NME5: variants seen among roughly 807,000 people sequenced by gnomAD.
The protein encoded by NME5 is nucleoside diphosphate kinase 5.
In NME5, 18 loss-of-function variants were observed where a neutral mutation model predicts 21.6. The ratio of observed to expected loss-of-function variants is 0.83; its 90% CI spans 0.58 to 1.24. NME5 has a LOEUF of 1.24. Among genes scored for constraint, NME5 ranks in the 50% most tolerant of loss-of-function variants. The pLI, the probability that NME5 is intolerant of heterozygous loss-of-function variation, is 0.00. For synonymous variants in NME5, 70 were observed against 80.6 expected, an observed-to-expected ratio of 0.87 and a Z score of 0.71; for missense variants, 223 against 255.4, an observed-to-expected ratio of 0.87 and a Z score of 0.86.
chr5:138,115,537 G>GT lies in NME5; in HGVS notation c.*143dup. On this transcript the variant is annotated 3_prime_UTR_variant, in exon 6 of 6. Coordinates refer to ENST00000265191, the MANE Select transcript of NME5 (RefSeq NM_003551.3). ...TTAATGTTATCTGCTTCATAGAATA[G>GT]TTATTCCTTTAACACTTATTTTTAA... 2.0e-6 allele frequency: 1 copy of GT among 496,762 alleles called. No individual in the cohort carries two copies. The highest frequency in any genetic ancestry group is 3.5e-6 in the Non-Finnish European group (1 of 287,542). The allele number at this position is 496,762 out of a possible 1,614,324, so 30.8% of individuals were successfully genotyped here.
chr5:138,132,691 C>T (rs1751596464), intron 2 of NME5, among the ~76,000 whole-genome samples: 1 of 152,158 alleles, frequency 6.6e-6, no homozygotes, highest in African/African-American at 2.4e-5. Context: ...AGGGACCAAA[C>T]CGCCCAGAGC....
chr5:138,125,043 C>T lies in NME5; in HGVS notation c.436+3436G>A, dbSNP rs193107408. Among the ~76,000 whole-genome samples, 481 of 152,234 alleles carry T rather than the reference C, an allele frequency of 3.2e-3. 6 individuals are homozygous for T. The highest frequency in any genetic ancestry group is 0.014 in the Middle Eastern group (4 of 294). On this transcript the variant is annotated intron_variant, in intron 4 of 5. Coordinates refer to ENST00000265191, the MANE Select transcript of NME5 (RefSeq NM_003551.3). ...GCTCCAGTGATCCTCCCACTTTAGC[C>T]TCCAGAGTAGCTGGGACTACAGACA... is the stretch of plus-strand genomic sequence containing the variant.
At chr5:138,132,790 A>G (rs897222862) in intron 2 of NME5, among the ~76,000 whole-genome samples, 2 of 152,192 alleles carry the variant, frequency 1.3e-5, no homozygotes, top group African/African-American at 4.8e-5. Flanking sequence ...GCCAGTTACT[A>G]TGAAAAAGGT....
chr5:138,121,737 C>A (rs1216241424), intron 4 of NME5, among the ~76,000 whole-genome samples: 3 of 152,164 alleles, frequency 2.0e-5, no homozygotes, highest in African/African-American at 7.2e-5. Context: ...AGTCTTCCAA[C>A]TTTGTTCTTC....
chr5:138,122,987 T>C (rs1751320633), intron 4 of NME5: 1 of 151,860 alleles, frequency 6.6e-6, no homozygotes, highest in African/African-American at 2.4e-5. Context: ...GTCCCCCAAA[T>C]TTTTTTTAAC....
chr5:138,118,461 G>A (rs112537258), intron 5 of NME5, among the ~76,000 whole-genome samples: 3 of 149,844 alleles, frequency 2.0e-5, no homozygotes, highest in Admixed American at 6.7e-5. Context: ...TGTCTTAAAC[G>A]TGAAAACTAC....
Position 138,120,335 on chromosome 5 carries a change from G to A in NME5, c.437-1399C>T, listed in dbSNP as rs527335225. On this transcript the variant is annotated intron_variant, in intron 4 of 5. Coordinates refer to ENST00000265191, the MANE Select transcript of NME5 (RefSeq NM_003551.3). ...TGCAAGCTCCGCCTCCTGGGTTCAC[G>A]CCATTCTCCTGCCTCAGCCTTCTGA... Among the ~76,000 whole-genome samples the A allele has an allele frequency of 5.5e-5, 8 of 145,116 alleles. 1 individual carries two copies. In the East Asian group the frequency reaches 6.4e-4, roughly 12 times the overall value.
chr5:138,130,912 C>T (rs1043260716), intron 2 of NME5, among the ~76,000 whole-genome samples: 3 of 147,362 alleles, frequency 2.0e-5, no homozygotes, highest in Non-Finnish European at 4.5e-5. Context: ...GGTGACAGAG[C>T]GAGACTCCGT....
At chr5:138,132,965 T>G (rs554412644) in intron 2 of NME5, among the ~76,000 whole-genome samples, 1 of 152,234 alleles carries the variant, frequency 6.6e-6, no homozygotes, top group East Asian at 1.9e-4. Flanking sequence ...TTTTTCTTGC[T>G]GAGTTTAAAA....
At chr5:138,136,599 A>G (rs933400607) in intron 2 of NME5, among the ~76,000 whole-genome samples, 4 of 151,678 alleles carry the variant, frequency 2.6e-5, no homozygotes, top group African/African-American at 9.7e-5. Context: ...TATGGTGTTT[A>G]TTTCATTGTG....
intron 4 of NME5, among the ~76,000 whole-genome samples, chr5:138,124,346 T>G (rs912598110): frequency 3.9e-5 from 6 of 152,072 alleles, no homozygotes; most frequent in African/African-American, 1.4e-4. Flanking sequence ...GTATGTCTTC[T>G]TTAGAAAAAT....
rs199531005 is a variant in NME5, at chr5:138,117,683, C to CA, written c.555+1134dup. Among the ~76,000 whole-genome samples the CA allele has an allele frequency of 4.6e-5, 7 of 150,580 alleles. No homozygotes were observed. The South Asian group carries it at 8.5e-4, about 18-fold the overall frequency. On this transcript the variant is annotated intron_variant, in intron 5 of 5. Transcript: ENST00000265191. ...TTTGTGTTATCTACTAGCATGGCTA[C>CA]AAAAAAAAAGAAAGATAGGTCGGGC...
intron 2 of NME5, among the ~76,000 whole-genome samples, chr5:138,137,399 C>T (rs575736659): frequency 6.6e-6 from 1 of 152,066 alleles, no homozygotes; most frequent in South Asian, 2.1e-4. Flanking sequence ...CTTACTGCAA[C>T]CTCTGCCTCC....
chr5:138,125,376 GA>G (rs1422407611), intron 4 of NME5, among the ~76,000 whole-genome samples: 4 of 152,178 alleles, frequency 2.6e-5, no homozygotes, highest in Admixed American at 2.0e-4. Context: ...AAAGGGAAAA[GA>G]GACCAGCCTG....
rs569302273 is a variant in NME5, at chr5:138,120,651, T to G, written c.437-1715A>C. Among the ~76,000 whole-genome samples the G allele has an allele frequency of 1.5e-3, 228 of 152,350 alleles. 1 individual carries two copies. The highest frequency in any genetic ancestry group is 5.2e-3 in the African/African-American group (215 of 41,588). On this transcript the variant is annotated intron_variant, in intron 4 of 5. Transcript: ENST00000265191. ...TTGCTTTTGATGTCATTTTAAGAAG[T>G]CTTTGTCCAACTCCAGTTACAAAGA...
chr5:138,121,640 C>A (rs1489318931), intron 4 of NME5, among the ~76,000 whole-genome samples: 2 of 152,102 alleles, frequency 1.3e-5, no homozygotes, highest in Non-Finnish European at 2.9e-5. Flanking sequence ...CAATTCTGTT[C>A]CAATAATCTA....
rs113840844 is a variant in NME5 at position 138,133,644 on chromosome 5, T to C, written c.130-4176A>G. On this transcript the variant is annotated intron_variant, in intron 2 of 5. Coordinates refer to ENST00000265191, the MANE Select transcript of NME5 (RefSeq NM_003551.3). Reference sequence around the variant, plus strand: ...AAGGCAACACTGCCATCTACTGAAATGACATATCATTTTTCAGCTTTTCCC... The same window carrying C: ...AAGGCAACACTGCCATCTACTGAAACGACATATCATTTTTCAGCTTTTCCC... Among the ~76,000 whole-genome samples, 33 of 152,316 alleles carry C rather than the reference T, an allele frequency of 2.2e-4. 1 individual carries two copies. The highest frequency in any genetic ancestry group is 7.5e-4 in the African/African-American group (31 of 41,562).
intron 2 of NME5, among the ~76,000 whole-genome samples, chr5:138,132,115 T>G (rs922255508): frequency 6.6e-6 from 1 of 152,186 alleles, no homozygotes; most frequent in Non-Finnish European, 1.5e-5. Flanking sequence ...ATCCCAGCAC[T>G]CTGGGAGACC....
intron 2 of NME5, among the ~76,000 whole-genome samples, chr5:138,136,938 T>C (rs1751712301): frequency 1.3e-5 from 2 of 151,696 alleles, no homozygotes. Context: ...CCACCGTGCC[T>C]GGCCTTGTTG....
Sources: allele counts gnomAD v4.1 joint callset (sites outside exome capture counted in the v4.1 genomes callset), GRCh38; gene constraint gnomAD v4.1.1; transcripts MANE v1.5; gene names NCBI Gene and HGNC (gene_info 2026-07-23, HGNC 2026-07-21).